Variants in KCNC2 observed in about 807,000 individuals in gnomAD.
The protein encoded by KCNC2 is potassium voltage-gated channel subfamily C member 2, also known as voltage-gated potassium channel KCNC2.
Under a neutral mutation model 44.5 loss-of-function variants are expected in KCNC2, and 21 were observed. The ratio of observed to expected loss-of-function variants is 0.47; its 90% CI spans 0.33 to 0.68. KCNC2 has a LOEUF of 0.68. Among genes scored for constraint, KCNC2 ranks in the 30% least tolerant of loss-of-function variants. The probability of loss-of-function intolerance (pLI) is 0.01; values close to 1 mark genes in which losing one functional copy is unlikely to be tolerated. For synonymous variants in KCNC2, 391 were observed against 339.1 expected (o/e 1.15, Z -1.68); for missense variants, 589 against 826.2 (o/e 0.71, Z 3.52).
intron 2 of KCNC2, among the ~76,000 whole-genome samples, chr12:75,066,874 A>C (rs992182302): frequency 6.6e-6 from 1 of 152,224 alleles, no homozygotes; most frequent in African/African-American, 2.4e-5. Context: ...ATAATGTTTT[A>C]AATCATTTAA....
At chr12:75,107,724 AT>A (rs1565861118) in intron 2 of KCNC2, among the ~76,000 whole-genome samples, 8 of 152,158 alleles carry the variant, frequency 5.3e-5, no homozygotes, top group African/African-American at 1.7e-4. Flanking sequence ...AAAAAAATCA[AT>A]GTTTGAGTAA....
intron 2 of KCNC2, among the ~76,000 whole-genome samples, chr12:75,059,323 T>C (rs1469496348): frequency 6.6e-6 from 1 of 152,134 alleles, no homozygotes; most frequent in Non-Finnish European, 1.5e-5. Flanking sequence ...GGGGTCCATA[T>C]AGTCAAGCAT....
chr12:75,055,587 G>A (rs1166663655), intron 2 of KCNC2, among the ~76,000 whole-genome samples: 3 of 152,080 alleles, frequency 2.0e-5, no homozygotes, highest in Non-Finnish European at 4.4e-5. Context: ...CATGTCAACT[G>A]ATTGTACAGA....
At chr12:75,113,753 C>T (rs1479999951) in intron 2 of KCNC2, among the ~76,000 whole-genome samples, 1 of 152,176 alleles carries the variant, frequency 6.6e-6, no homozygotes, top group Non-Finnish European at 1.5e-5. Context: ...AGTAGAACCT[C>T]TTATCTATTT....
intron 2 of KCNC2, among the ~76,000 whole-genome samples, chr12:75,205,588 A>G (rs1379649619): frequency 3.3e-5 from 5 of 152,186 alleles, no homozygotes; most frequent in Non-Finnish European, 7.4e-5. Context: ...CTGGCCTACA[A>G]TAAGATGTAT....
chr12:75,162,012 A>G (rs1371526630), intron 2 of KCNC2, among the ~76,000 whole-genome samples: 1 of 151,674 alleles, frequency 6.6e-6, no homozygotes, highest in Non-Finnish European at 1.5e-5. Context: ...TCAACCAATA[A>G]TACTTGGACC....
At chr12:75,113,153 C>G (rs1160658242) in intron 2 of KCNC2, among the ~76,000 whole-genome samples, 1 of 152,078 alleles carries the variant, frequency 6.6e-6, no homozygotes, top group East Asian at 1.9e-4. Context: ...TATTATATAT[C>G]TGCCAACATT....
chr12:75,135,262 A>G (rs1889145917), intron 2 of KCNC2, among the ~76,000 whole-genome samples: 1 of 151,846 alleles, frequency 6.6e-6, no homozygotes, highest in Non-Finnish European at 1.5e-5. Flanking sequence ...AAAATGAAAA[A>G]AAAAAGCCAC....
At chr12:75,130,598 G>GT (rs1888768576) in intron 2 of KCNC2, among the ~76,000 whole-genome samples, 1 of 152,090 alleles carries the variant, frequency 6.6e-6, no homozygotes, top group Non-Finnish European at 1.5e-5. Flanking sequence ...AGAAAGTGAT[G>GT]AACACATCAA....
chr12:75,102,837 T>C (rs977978329), intron 2 of KCNC2, among the ~76,000 whole-genome samples: 2 of 151,972 alleles, frequency 1.3e-5, no homozygotes, highest in South Asian at 2.1e-4. Context: ...TTATTAATAA[T>C]AGAGCTTTTA....
At chr12:75,104,236 G>A (rs894476187) in intron 2 of KCNC2, among the ~76,000 whole-genome samples, 1 of 152,144 alleles carries the variant, frequency 6.6e-6, no homozygotes, top group Non-Finnish European at 1.5e-5. Flanking sequence ...CAATGTCAAT[G>A]ATCAAAAGCA....
At chr12:75,080,935 A>G (rs1225379007) in intron 2 of KCNC2, among the ~76,000 whole-genome samples, 1 of 152,104 alleles carries the variant, frequency 6.6e-6, no homozygotes, top group Non-Finnish European at 1.5e-5. Context: ...GAATTCCCAT[A>G]TATTTATTGA....
intron 2 of KCNC2, among the ~76,000 whole-genome samples, chr12:75,125,892 C>A (rs1888385357): frequency 6.6e-6 from 1 of 152,150 alleles, no homozygotes; most frequent in Non-Finnish European, 1.5e-5. Flanking sequence ...CTAGGCTCAT[C>A]CATTGGGGAA....
At chr12:75,198,413 A>C (rs982775616) in intron 2 of KCNC2, among the ~76,000 whole-genome samples, 6 of 151,900 alleles carry the variant, frequency 3.9e-5, no homozygotes, top group African/African-American at 1.4e-4. Flanking sequence ...AAGTCAGTTA[A>C]GGTTCTATTC....
rs191550864 is a variant in KCNC2, at chr12:75,180,432, G to A, written c.687+26865C>T. 2.3e-4 allele frequency among the ~76,000 whole-genome samples: 35 copies of A among 151,824 alleles called. No individual in the cohort carries two copies. The East Asian group carries it at 4.2e-3, about 18-fold the overall frequency. ...TAAGGAAAACAAATGAATTTGATAT[G>A]CACAATTTATTGTGAAACACTTTTA... On this transcript the variant is annotated intron_variant, in intron 2 of 4. Coordinates refer to ENST00000549446, the MANE Select transcript of KCNC2 (RefSeq NM_139137.4).
Position 75,041,464 on chromosome 12 carries a change from C to G in KCNC2, c.*1641G>C. The G allele has an allele frequency of 8.0e-7, 1 of 1,248,628 alleles. No homozygotes were observed. Among genetic ancestry groups the G allele is most frequent in the Non-Finnish European group, 1.0e-6 (1 of 985,902 alleles). The allele number at this position is 1,248,628 out of a possible 1,614,324, so 77.3% of individuals were successfully genotyped here. A position where few individuals can be genotyped will look rare whatever the true frequency, so the allele number is the denominator to read the frequency against. Reference sequence around the variant, plus strand: ...AATTGTCTTCCTAACAAAAAATAAACATGAGAAATAGGAATTAATCAGCAG... The same window carrying G: ...AATTGTCTTCCTAACAAAAAATAAAGATGAGAAATAGGAATTAATCAGCAG... On this transcript the variant is annotated 3_prime_UTR_variant, in exon 5 of 5. Coordinates refer to ENST00000549446, the MANE Select transcript of KCNC2 (RefSeq NM_139137.4).
At chr12:75,113,940 C>T (rs977236086) in intron 2 of KCNC2, among the ~76,000 whole-genome samples, 3 of 152,116 alleles carry the variant, frequency 2.0e-5, no homozygotes, top group South Asian at 2.1e-4. Flanking sequence ...AGCTTAATTA[C>T]GGCTTATTTA....
In KCNC2 at chr12:75,207,264, A is replaced by G; in HGVS notation, c.687+33T>C. 1 of 1,510,940 alleles carries G rather than the reference A, an allele frequency of 6.6e-7. No homozygotes were observed. 93.6% of individuals were successfully genotyped at this position (1,510,940 alleles called of 1,614,324 possible). Reference sequence around the variant, plus strand: ...TTGGGGAGGGAGTTGGGAGAAGTTGAAGCAGCAGGGAAGGGGTCGATTCTG... The same window carrying G: ...TTGGGGAGGGAGTTGGGAGAAGTTGGAGCAGCAGGGAAGGGGTCGATTCTG... On this transcript the variant is annotated intron_variant, in intron 2 of 4. Coordinates refer to ENST00000549446, the MANE Select transcript of KCNC2 (RefSeq NM_139137.4). This position sits in a 1 kb window ranked among gnomAD's most constrained non-coding sequence, Gnocchi z 4.1.
chr12:75,069,129 CTTTTTTTTT>C lies in KCNC2; in HGVS notation c.688-17821_688-17813del, dbSNP rs1158151551. 1.7e-3 allele frequency among the ~76,000 whole-genome samples: 107 copies of C among 63,664 alleles called. 3 individuals carry two copies. The highest frequency in any genetic ancestry group is 5.8e-3 in the African/African-American group (98 of 16,806). The allele number at this position is 63,664 out of a possible 152,430, so 41.8% of individuals were successfully genotyped here. On this transcript the variant is annotated intron_variant, in intron 2 of 4. Transcript: ENST00000549446. ...AAAAACAGTTTCAATTTTATATAATCTTTTTTTTTTTTTTTTTTTTTTGAGACGGAATTT... is the reference window on the plus strand; with the variant it reads ...AAAAACAGTTTCAATTTTATATAATCTTTTTTTTTTTTTGAGACGGAATTT...
Sources: allele counts gnomAD v4.1 joint callset (sites outside exome capture counted in the v4.1 genomes callset), GRCh38; gene constraint gnomAD v4.1.1; non-coding constraint Gnocchi (gnomAD v3.1); transcripts MANE v1.5; gene names NCBI Gene and HGNC (gene_info 2026-07-23, HGNC 2026-07-21).